Variants in MTHFD1L observed in about 807,000 individuals in gnomAD.
MTHFD1L encodes the protein methylenetetrahydrofolate dehydrogenase (NADP+ dependent) 1 like.
MTHFD1L carries 81 observed loss-of-function variants against 119.5 expected under a neutral mutation model. The observed-to-expected ratio is 0.68, with a 90% confidence interval of 0.57 to 0.82. The LOEUF is 0.82. MTHFD1L is among the 40% of genes least tolerant of loss of function. The probability of loss-of-function intolerance (pLI) is 0.00; values close to 1 mark genes in which losing one functional copy is unlikely to be tolerated. For synonymous variants in MTHFD1L, 430 were observed against 475.2 expected (o/e 0.90, Z 1.24); for missense variants, 1,125 against 1,253.4 (o/e 0.90, Z 1.55).
chr6:150,930,242 T>C (rs926968527), intron 11 of MTHFD1L, among the ~76,000 whole-genome samples: 2 of 152,062 alleles, frequency 1.3e-5, no homozygotes, highest in East Asian at 3.9e-4. Flanking sequence ...CTTTAAAAAA[T>C]ACAAACAAAC....
intron 26 of MTHFD1L, among the ~76,000 whole-genome samples, chr6:151,043,367 T>A (rs1231219383): frequency 7.0e-6 from 1 of 142,844 alleles, no homozygotes; most frequent in Admixed American, 7.7e-5. Context: ...CAGGTTCAAG[T>A]GATACTCCTG....
At chr6:151,064,413 G>A (rs1790994649) in intron 26 of MTHFD1L, among the ~76,000 whole-genome samples, 1 of 151,676 alleles carries the variant, frequency 6.6e-6, no homozygotes, top group South Asian at 2.1e-4. Flanking sequence ...CCCCGGATTC[G>A]AGTGATTCTC....
At position 151,025,459 on chromosome 6, in the gene MTHFD1L, A is replaced by T. The variant is rs114845366; in HGVS notation, c.2587-9034A>T. Among the ~76,000 whole-genome samples, 134 of 152,308 alleles carry T rather than the reference A, an allele frequency of 8.8e-4. 1 individual carries two copies. Among genetic ancestry groups the T allele is most frequent in the African/African-American group, 3.0e-3 (126 of 41,568 alleles). ...TATCGACAGCTTCATGTTGTACTTT[A>T]ATTTGAAGTACAGGAAAGGCTGCTT... On this transcript the variant is annotated intron_variant, in intron 24 of 27. Coordinates refer to ENST00000367321, the MANE Select transcript of MTHFD1L (RefSeq NM_015440.5).
At chr6:150,900,754 G>A (rs536562918) in intron 7 of MTHFD1L, among the ~76,000 whole-genome samples, 11 of 152,136 alleles carry the variant, frequency 7.2e-5, no homozygotes, top group African/African-American at 1.2e-4. Flanking sequence ...GGTGGCTCAC[G>A]CCTGTAATCC....
chr6:150,943,390 C>A (rs6557105), intron 13 of MTHFD1L, among the ~76,000 whole-genome samples: 2 of 151,852 alleles, frequency 1.3e-5, no homozygotes, highest in East Asian at 1.9e-4. Flanking sequence ...TAGCACTTTG[C>A]GGGGCTGAAG....
intron 26 of MTHFD1L, among the ~76,000 whole-genome samples, chr6:151,072,809 A>G (rs1015051580): frequency 1.3e-5 from 2 of 152,056 alleles, no homozygotes; most frequent in East Asian, 3.9e-4. Flanking sequence ...CTCTGTCTCA[A>G]AAAATAAAAA....
chr6:150,988,653 C>G (rs1778643342), intron 20 of MTHFD1L, among the ~76,000 whole-genome samples: 1 of 152,110 alleles, frequency 6.6e-6, no homozygotes, highest in South Asian at 2.1e-4. Context: ...GTTGCCCAGG[C>G]TGGAGTGCAA....
chr6:150,877,902 T>G, intron 4 of MTHFD1L, 76 bp downstream of exon 4: 1 of 1,547,452 alleles, frequency 6.5e-7, no homozygotes, highest in South Asian at 1.1e-5. Context: ...CGTCTCTTAG[T>G]GGTGGCTGGG....
At chr6:150,974,075 T>C (rs774707646) in intron 20 of MTHFD1L, among the ~76,000 whole-genome samples, 2 of 152,218 alleles carry the variant, frequency 1.3e-5, no homozygotes, top group Non-Finnish European at 2.9e-5. Flanking sequence ...ATCTGTCCGT[T>C]GCCAGATGGT....
chr6:151,015,635 GGGCTGTGAGAGA>G lies in MTHFD1L; in HGVS notation c.2534_2545del (p.Val845_Ala848del). The G allele has an allele frequency of 1.2e-6, 2 of 1,614,110 alleles. No homozygotes were observed. Among genetic ancestry groups the G allele is most frequent in the East Asian group, 2.2e-5 (1 of 44,874 alleles). On this transcript the variant is annotated inframe_deletion, in exon 24 of 28. Coordinates refer to ENST00000367321, the MANE Select transcript of MTHFD1L (RefSeq NM_015440.5). ...GGAAAAGGATCGGTGGACTTGGCTCGGGCTGTGAGAGAGGCTGCGAGTAAAAGAAGCCGATTC... is the reference window on the plus strand; with the variant it reads ...GGAAAAGGATCGGTGGACTTGGCTCGGGCTGCGAGTAAAAGAAGCCGATTC...
At chr6:151,042,028 A>G (rs574933042) in intron 26 of MTHFD1L, 1 of 359,782 alleles carries the variant, frequency 2.8e-6, no homozygotes, top group East Asian at 7.5e-5. Flanking sequence ...TTTAATTGGC[A>G]TTGGTGACCA....
At position 150,865,758 on chromosome 6, in the gene MTHFD1L, G is replaced by T; in HGVS notation, c.-65G>T. The T allele has an allele frequency of 1.7e-6, 2 of 1,199,368 alleles. No individual in the cohort carries two copies. The highest frequency in any genetic ancestry group is 2.2e-5 in the South Asian group (1 of 46,146). The allele number at this position is 1,199,368 out of a possible 1,614,324, so 74.3% of individuals were successfully genotyped here. On this transcript the variant is annotated 5_prime_UTR_variant, in exon 1 of 28. Coordinates refer to ENST00000367321, the MANE Select transcript of MTHFD1L (RefSeq NM_015440.5). ...GCCGCCGCCGCCGCCTGCTCCCCTG[G>T]CACGCGCCCCGCCGCCCTCGGCAGC... is the stretch of plus-strand genomic sequence containing the variant.
intron 9 of MTHFD1L, among the ~76,000 whole-genome samples, chr6:150,921,772 A>G (rs111714709): frequency 1.4e-4 from 22 of 152,352 alleles, no homozygotes; most frequent in African/African-American, 5.3e-4. Flanking sequence ...TAACAAAAAC[A>G]ATGAACATAG....
At position 151,014,983 on chromosome 6, in the gene MTHFD1L, A is replaced by G. The variant is rs754652969; in HGVS notation, c.2408+3A>G. ...GTGGTGGCTCTGAATGTCTTCAAGT[A>G]AGTCCAGCCTCCTCCTTTAAATGTG... On this transcript the variant is annotated splice_donor_region_variant and intron_variant, in intron 23 of 27. Coordinates refer to ENST00000367321, the MANE Select transcript of MTHFD1L (RefSeq NM_015440.5). 1 of 1,612,934 alleles carries G rather than the reference A, an allele frequency of 6.2e-7. No homozygotes were observed. The highest frequency in any genetic ancestry group is 8.5e-7 in the Non-Finnish European group (1 of 1,179,058).
At chr6:150,878,139 C>G (rs10080459) in intron 4 of MTHFD1L, among the ~76,000 whole-genome samples, 330 of 152,338 alleles carry the variant, frequency 2.2e-3, no homozygotes, top group Non-Finnish European at 4.2e-3. Flanking sequence ...GACCACAGAT[C>G]CCTGTGCCAG....
intron 24 of MTHFD1L, among the ~76,000 whole-genome samples, chr6:151,027,288 G>A (rs911680879): frequency 5.9e-5 from 9 of 152,006 alleles, no homozygotes; most frequent in African/African-American, 2.2e-4. Context: ...ATCGTTGTTT[G>A]TTGTGTCTCA....
chr6:151,059,556 G>A (rs1392615519), intron 26 of MTHFD1L, among the ~76,000 whole-genome samples: 3 of 152,154 alleles, frequency 2.0e-5, no homozygotes, highest in Non-Finnish European at 4.4e-5. Flanking sequence ...TACCAAAGGA[G>A]TAAAATGCTC....
Position 150,936,398 on chromosome 6 carries a change from A to T in MTHFD1L, c.1257-406A>T, listed in dbSNP as rs1321926770. Among the ~76,000 whole-genome samples, 8 of 152,294 alleles carry T rather than the reference A, an allele frequency of 5.3e-5. No homozygotes were observed. In the East Asian group the frequency reaches 1.5e-3, roughly 29 times the overall value. ...CTACTCACCCAAGGACCGTTGAGCT[A>T]GGCCCTGTCCCCAAACCATAGGCCC... On this transcript the variant is annotated intron_variant, in intron 11 of 27. Transcript: ENST00000367321.
intron 26 of MTHFD1L, among the ~76,000 whole-genome samples, chr6:151,077,152 C>T (rs1792604541): frequency 6.6e-6 from 1 of 152,030 alleles, no homozygotes. Context: ...GCCTTCCACC[C>T]AAAATTTTCT....
Sources: gnomAD v4.1 joint callset for allele counts (sites outside exome capture counted in the v4.1 genomes callset) on GRCh38, gnomAD v4.1.1 for gene constraint, MANE v1.5 for transcripts, NCBI Gene and HGNC (gene_info 2026-07-23, HGNC 2026-07-21) for gene names.